The following RGS17 variants were observed in gnomAD, a reference collection of about 807,000 sequenced individuals.
RGS17 encodes the protein regulator of G-protein signaling 17.
Under a neutral mutation model 25.5 loss-of-function variants are expected in RGS17, and 12 were observed. The observed-to-expected ratio is 0.47, with a 90% CI of 0.30 to 0.76. The LOEUF is 0.76. Ranked by LOEUF, RGS17 falls within the 30% of genes least tolerant of loss-of-function variation. The pLI is 0.07. For missense variants in RGS17, 196 were observed against 242.2 expected, an observed-to-expected ratio of 0.81 and a Z score of 1.27; for synonymous variants, 71 against 76.9, an observed-to-expected ratio of 0.92 and a Z score of 0.40.
At chr6:153,057,796 G>A (rs536411428) in intron 1 of RGS17, among the ~76,000 whole-genome samples, 2 of 152,230 alleles carry the variant, frequency 1.3e-5, no homozygotes, top group Admixed American at 6.5e-5. Flanking sequence ...CAGATCATCA[G>A]GCATTACATT....
chr6:153,129,783 G>A (rs1482912205), intron 1 of RGS17, among the ~76,000 whole-genome samples: 1 of 152,168 alleles, frequency 6.6e-6, no homozygotes, highest in South Asian at 2.1e-4. Flanking sequence ...AAATCTTATA[G>A]TGAATCTTTT....
chr6:153,020,104 A>ATT (rs1562312907), intron 4 of RGS17, among the ~76,000 whole-genome samples: 2 of 29,808 alleles, frequency 6.7e-5, no homozygotes, highest in African/African-American at 2.2e-4. Flanking sequence ...ATATCTTAAA[A>ATT]AAAAAAAATA....
intron 1 of RGS17, among the ~76,000 whole-genome samples, chr6:153,095,907 C>T (rs925029890): frequency 1.3e-5 from 2 of 152,198 alleles, no homozygotes; most frequent in Non-Finnish European, 2.9e-5. Context: ...TGTTATAATA[C>T]ACAACCAATT....
chr6:153,111,019 C>A (rs573931330), intron 1 of RGS17, among the ~76,000 whole-genome samples: 2 of 152,152 alleles, frequency 1.3e-5, no homozygotes, highest in African/African-American at 4.8e-5. Flanking sequence ...GCCATTTGGG[C>A]AGACACCAAG....
intron 1 of RGS17, among the ~76,000 whole-genome samples, chr6:153,100,470 A>G (rs1777283607): frequency 6.6e-6 from 1 of 152,214 alleles, no homozygotes; most frequent in Non-Finnish European, 1.5e-5. Context: ...TATACATTGT[A>G]TACACATATT....
chr6:153,096,119 G>T (rs1777207843), intron 1 of RGS17, among the ~76,000 whole-genome samples: 2 of 152,202 alleles, frequency 1.3e-5, no homozygotes, highest in African/African-American at 4.8e-5. Context: ...GAACTCAGAG[G>T]AAGGCTGGAG....
At chr6:153,040,582 C>T (rs1315271451) in intron 2 of RGS17, among the ~76,000 whole-genome samples, 1 of 151,928 alleles carries the variant, frequency 6.6e-6, no homozygotes, top group African/African-American at 2.4e-5. Flanking sequence ...ACAGTTACTT[C>T]ATATTTTGAT....
At position 153,052,899 on chromosome 6, in the gene RGS17, TA is replaced by T. The variant is rs1243462129; in HGVS notation, c.-25-8857del. Among the ~76,000 whole-genome samples the T allele has an allele frequency of 7.9e-5, 12 of 152,128 alleles. 1 individual carries two copies. In the South Asian group the frequency reaches 2.3e-3, roughly 29 times the overall value. ...GCCTCATGAATGAGATTAGTGCCCTTAAAAAAGGGACCCCCAGATTACTCTC... is the reference window on the plus strand; with the variant it reads ...GCCTCATGAATGAGATTAGTGCCCTTAAAAAGGGACCCCCAGATTACTCTC... On this transcript the variant is annotated intron_variant, in intron 1 of 4. Coordinates refer to ENST00000206262, the MANE Select transcript of RGS17 (RefSeq NM_012419.5).
rs34359770 is a variant in RGS17, at chr6:153,130,508, A to ACC, written c.-26+614_-26+615dup. 1.5e-5 allele frequency among the ~76,000 whole-genome samples: 2 copies of ACC among 131,662 alleles called. No homozygotes were observed. The highest frequency in any genetic ancestry group is 2.3e-4 in the South Asian group (1 of 4,288). The allele number at this position is 131,662 out of a possible 152,430, so 86.4% of individuals were successfully genotyped here. Reference sequence around the variant, plus strand: ...TACACACACACACACACACACACACACCCCTCCGGTATTTTACTGCTGGTC... The same window carrying ACC: ...TACACACACACACACACACACACACACCCCCCTCCGGTATTTTACTGCTGGTC... On this transcript the variant is annotated intron_variant, in intron 1 of 4. Transcript: ENST00000206262. The surrounding 1 kb of genome is among the most constrained non-coding windows in gnomAD (Gnocchi z 6.4).
intron 1 of RGS17, among the ~76,000 whole-genome samples, chr6:153,114,418 C>A (rs1777516032): frequency 1.3e-5 from 2 of 152,160 alleles, no homozygotes; most frequent in Admixed American, 1.3e-4. Context: ...ATAGTAAGTT[C>A]TGAAACTGAG....
chr6:153,066,940 T>C (rs924407171), intron 1 of RGS17, among the ~76,000 whole-genome samples: 3 of 152,046 alleles, frequency 2.0e-5, no homozygotes, highest in Non-Finnish European at 4.4e-5. Context: ...CTCGGGAGGC[T>C]GAGGCAGGAG....
At chr6:153,128,339 T>C (rs1777734624) in intron 1 of RGS17, among the ~76,000 whole-genome samples, 1 of 152,302 alleles carries the variant, frequency 6.6e-6, no homozygotes, top group African/African-American at 2.4e-5. Context: ...GTATTCTCAG[T>C]GTTAAGTAAG....
chr6:153,092,688 A>C (rs1380820905), intron 1 of RGS17, among the ~76,000 whole-genome samples: 1 of 152,234 alleles, frequency 6.6e-6, no homozygotes, highest in Admixed American at 6.5e-5. Flanking sequence ...TAGAGGTCAG[A>C]ACATTGCTCA....
chr6:153,030,690 T>A (rs937600856), intron 2 of RGS17, among the ~76,000 whole-genome samples: 3 of 152,220 alleles, frequency 2.0e-5, no homozygotes, highest in African/African-American at 7.2e-5. Context: ...TTTAAATACT[T>A]CATTTTCAGC....
At chr6:153,098,172 A>G (rs1777245249) in intron 1 of RGS17, among the ~76,000 whole-genome samples, 2 of 152,176 alleles carry the variant, frequency 1.3e-5, no homozygotes, top group South Asian at 4.1e-4. Context: ...CAGCAATTAA[A>G]GAGAAGTGGG....
intron 1 of RGS17, among the ~76,000 whole-genome samples, chr6:153,105,878 C>T (rs1777372849): frequency 6.6e-6 from 1 of 152,126 alleles, no homozygotes; most frequent in Non-Finnish European, 1.5e-5. Flanking sequence ...TGGGGAGGCA[C>T]TGAATGCTTT....
intron 1 of RGS17, among the ~76,000 whole-genome samples, chr6:153,044,951 A>G (rs1776369879): frequency 6.6e-6 from 1 of 152,204 alleles, no homozygotes; most frequent in South Asian, 2.1e-4. Context: ...CAATCTACTG[A>G]ATGATGTTTT....
intron 4 of RGS17, 120 bp downstream of exon 4, chr6:153,024,142 T>C (rs1034487973): frequency 2.5e-5 from 16 of 645,324 alleles, no homozygotes; most frequent in African/African-American, 1.5e-4. Flanking sequence ...AGCTGAATTA[T>C]CTACCCAGTG....
intron 1 of RGS17, among the ~76,000 whole-genome samples, chr6:153,116,197 A>T (rs188634909): frequency 1.3e-5 from 2 of 152,332 alleles, no homozygotes; most frequent in Non-Finnish European, 2.9e-5. Flanking sequence ...AATATTCAGA[A>T]TCTACAAGGA....
Sources: gnomAD v4.1 joint callset for allele counts (sites outside exome capture counted in the v4.1 genomes callset) on GRCh38, gnomAD v4.1.1 for gene constraint, Gnocchi (gnomAD v3.1) non-coding constraint, MANE v1.5 for transcripts, NCBI Gene and HGNC (gene_info 2026-07-23, HGNC 2026-07-21) for gene names.